The following CACNA1B variants were observed in gnomAD, a reference collection of about 807,000 sequenced individuals.
CACNA1B encodes the protein voltage-dependent N-type calcium channel subunit alpha-1B.
In CACNA1B, 70 loss-of-function variants were observed where a neutral mutation model predicts 247.2. The ratio of observed to expected loss-of-function variants is 0.28; its 90% confidence interval spans 0.23 to 0.35. The LOEUF (loss-of-function observed/expected upper bound fraction) is 0.35. CACNA1B is among the 10% of genes least tolerant of loss of function. The pLI, the probability that CACNA1B is intolerant of heterozygous loss-of-function variation, is 1.00. For missense variants in CACNA1B, 2,367 were observed against 3,197.4 expected (o/e 0.74, Z 6.26); for synonymous variants, 1,231 against 1,294.4 (o/e 0.95, Z 1.05).
chr9:137,921,432 C>A (rs1408763069), intron 6 of CACNA1B, among the ~76,000 whole-genome samples: 4 of 151,630 alleles, frequency 2.6e-5, no homozygotes, highest in Admixed American at 6.6e-5. Context: ...CACGACCGCA[C>A]AGCATCCTGG....
rs1294154773 is a variant in CACNA1B at position 137,986,446 on chromosome 9, C to T, written c.1803C>T (p.Ser601=). ...YWSSLRNLVV[S]LLNSMKSIIS... ...GCTCCCTGCGGAACCTGGTGGTGTC[C>T]CTGCTGAACTCCATGAAGTCCATCA... The change falls in exon 14 of 47, where the codon TCC becomes TCT. Residue 601 remains serine, a synonymous_variant. Coordinates refer to ENST00000371372, the MANE Select transcript of CACNA1B (RefSeq NM_000718.4). This position sits in a 1 kb window ranked among gnomAD's most constrained non-coding sequence, Gnocchi z 6.0. The T allele has an allele frequency of 1.2e-6, 2 of 1,613,886 alleles. No homozygotes were observed. Among genetic ancestry groups the T allele is most frequent in the Non-Finnish European group, 1.7e-6 (2 of 1,179,822 alleles).
chr9:137,976,189 C>G (rs1397515992), intron 12 of CACNA1B, among the ~76,000 whole-genome samples, 170 bp downstream of exon 12: 1 of 152,248 alleles, frequency 6.6e-6, no homozygotes, highest in Non-Finnish European at 1.5e-5. Context: ...GAGGCCTGTC[C>G]TGGCGGGGCC....
chr9:138,060,239 A>C (rs757640154), intron 31 of CACNA1B, among the ~76,000 whole-genome samples: 202 of 152,250 alleles, frequency 1.3e-3, no homozygotes, highest in Non-Finnish European at 2.0e-3. Context: ...ATTTCAAAGC[A>C]TCTGAATCAT....
intron 38 of CACNA1B, among the ~76,000 whole-genome samples, chr9:138,103,922 C>CCCCTG (rs1961338338): frequency 6.6e-6 from 1 of 152,234 alleles, no homozygotes; most frequent in South Asian, 2.1e-4. Context: ...CCATCCTCAG[C>CCCCTG]CCCTGCCCTG....
At chr9:138,042,702 G>C (rs1189754476) in intron 20 of CACNA1B, among the ~76,000 whole-genome samples, 1 of 152,124 alleles carries the variant, frequency 6.6e-6, no homozygotes, top group Non-Finnish European at 1.5e-5. Context: ...GGTTATCTTG[G>C]CTCTGGAGCC....
rs560979602 is a variant in CACNA1B at position 137,924,189 on chromosome 9, A to C, written c.966+6758A>C. The stretch of plus-strand genomic sequence containing the variant: ...ACTGTAAGAACTCTGCCTAGTCCTG[A>C]ATCCTGAAGATTTTCTTTTTTTTTT... On this transcript the variant is annotated intron_variant, in intron 6 of 46. Transcript: ENST00000371372. Among the ~76,000 whole-genome samples the C allele has an allele frequency of 2.7e-4, 41 of 151,800 alleles. No individual in the cohort carries two copies. In the South Asian group the frequency reaches 8.5e-3, roughly 32 times the overall value.
chr9:138,039,952 T>C (rs762333651), intron 20 of CACNA1B, among the ~76,000 whole-genome samples: 6 of 152,216 alleles, frequency 3.9e-5, no homozygotes, highest in Non-Finnish European at 8.8e-5. Context: ...TTTATAGAGT[T>C]AGTGGGGACA....
At chr9:138,068,296 C>T (rs1262250336) in intron 31 of CACNA1B, among the ~76,000 whole-genome samples, 6 of 152,060 alleles carry the variant, frequency 3.9e-5, no homozygotes, top group Non-Finnish European at 7.4e-5. Context: ...GGTGATGTGC[C>T]GTTCGTAAAG....
At position 138,023,180 on chromosome 9, in the gene CACNA1B, C is replaced by T. The variant is rs1368694083; in HGVS notation, c.2437C>T (p.Leu813=). The stretch of plus-strand genomic sequence containing the variant: ...CCTGCGGCCCGACATGAAGACGCAC[C>T]TGGACCGGCCGCTGGTGGTGGAGCT... The part of the protein sequence containing the change: ...RHLRPDMKTH[L]DRPLVVELGR... The change falls in exon 19 of 47, where the codon CTG becomes TTG. Residue 813 remains leucine, a synonymous_variant. Coordinates refer to ENST00000371372, the MANE Select transcript of CACNA1B (RefSeq NM_000718.4). 6.6e-7 allele frequency: 1 copy of T among 1,525,256 alleles called. No individual in the cohort carries two copies. Among genetic ancestry groups the T allele is most frequent in the Admixed American group, 2.0e-5 (1 of 50,154 alleles). The allele number at this position is 1,525,256 out of a possible 1,614,324, so 94.5% of individuals were successfully genotyped here.
At chr9:137,989,974 A>G (rs1589051903) in intron 15 of CACNA1B, among the ~76,000 whole-genome samples, 2 of 152,222 alleles carry the variant, frequency 1.3e-5, no homozygotes, top group East Asian at 3.9e-4. Context: ...TCCTGCTCGG[A>G]CAGACAGAAC....
At chr9:138,081,466 C>G (rs1295369270) in intron 36 of CACNA1B, among the ~76,000 whole-genome samples, 1 of 152,082 alleles carries the variant, frequency 6.6e-6, no homozygotes, top group Non-Finnish European at 1.5e-5. Flanking sequence ...GTGGTTTGGT[C>G]TGATAGAGAA....
At chr9:137,948,813 T>C (rs1036629199) in intron 6 of CACNA1B, among the ~76,000 whole-genome samples, 22 of 146,346 alleles carry the variant, frequency 1.5e-4, no homozygotes, top group African/African-American at 5.1e-4. Flanking sequence ...GGTGTGTGCA[T>C]GTGTGTGTGG....
At chr9:138,038,659 A>G (rs1481564891) in intron 20 of CACNA1B, among the ~76,000 whole-genome samples, 1 of 152,192 alleles carries the variant, frequency 6.6e-6, no homozygotes, top group Non-Finnish European at 1.5e-5. Flanking sequence ...GTGGGAGCCT[A>G]AGCCACCTTT....
intron 39 of CACNA1B, among the ~76,000 whole-genome samples, chr9:138,106,246 G>T (rs1961420619): frequency 6.6e-6 from 1 of 152,260 alleles, no homozygotes; most frequent in Non-Finnish European, 1.5e-5. Context: ...GAGAGAAGGA[G>T]CCTGTAGTGT....
intron 31 of CACNA1B, among the ~76,000 whole-genome samples, chr9:138,063,763 AT>A (rs1490584203): frequency 1.3e-5 from 2 of 152,156 alleles, no homozygotes; most frequent in African/African-American, 4.8e-5. Flanking sequence ...ATCCATTGTG[AT>A]CCAGTTTTCT....
At position 138,051,960 on chromosome 9, in the gene CACNA1B, C is replaced by A; in HGVS notation, c.3711-132C>A. The A allele has an allele frequency of 1.7e-6, 1 of 595,614 alleles. No homozygotes were observed. The highest frequency in any genetic ancestry group is 3.0e-6 in the Non-Finnish European group (1 of 328,156). The allele number at this position is 595,614 out of a possible 1,614,324, so 36.9% of individuals were successfully genotyped here. A position where few individuals can be genotyped will look rare whatever the true frequency, so the allele number is the denominator to read the frequency against. ...GCACCTGCAGGGCAAGGCCTCTCTG[C>A]TCCTGGGTCCTCCACCCTGGAGTCT... On this transcript the variant is annotated intron_variant, in intron 24 of 46. Coordinates refer to ENST00000371372, the MANE Select transcript of CACNA1B (RefSeq NM_000718.4). The surrounding 1 kb of genome is among the most constrained non-coding windows in gnomAD (Gnocchi z 4.3).
chr9:137,896,968 G>A lies in CACNA1B; in HGVS notation c.530+14085G>A, dbSNP rs75220638. On this transcript the variant is annotated intron_variant, in intron 3 of 46. Transcript: ENST00000371372. ...ATGTCTGTAGGGTTTGTAATAGCTC[G>A]TTTCATTTCTTATATTAGTAATTTT... Among the ~76,000 whole-genome samples, 922 of 152,168 alleles carry A rather than the reference G, an allele frequency of 6.1e-3. 6 individuals are homozygous for A. The highest frequency in any genetic ancestry group is 0.01 in the Non-Finnish European group (692 of 68,008).
chr9:137,914,670 C>T lies in CACNA1B; in HGVS notation c.639C>T (p.Leu213=). Residue 213 remains leucine, a synonymous_variant, in exon 5 of 47, where the codon CTC becomes CTT. Coordinates refer to ENST00000371372, the MANE Select transcript of CACNA1B (RefSeq NM_000718.4). This position sits in a 1 kb window ranked among gnomAD's most constrained non-coding sequence, Gnocchi z 4.3. ...VSGIPSLQVV[L]KSIMKAMVPL... ...TGGCCCCAGGTTTGCAGGTGGTGCT[C>T]AAGTCCATCATGAAGGCCATGGTTC... 1 of 1,613,900 alleles carries T rather than the reference C, an allele frequency of 6.2e-7. No individual in the cohort carries two copies. Among genetic ancestry groups the T allele is most frequent in the East Asian group, 2.2e-5 (1 of 44,882 alleles).
chr9:137,930,152 A>G (rs1289967608), intron 6 of CACNA1B, among the ~76,000 whole-genome samples: 1 of 152,180 alleles, frequency 6.6e-6, no homozygotes, highest in Non-Finnish European at 1.5e-5. Flanking sequence ...CTTTGAAGAA[A>G]TGTCAGCTGG....
Sources: allele counts gnomAD v4.1 joint callset (sites outside exome capture counted in the v4.1 genomes callset), GRCh38; gene constraint gnomAD v4.1.1; non-coding constraint Gnocchi (gnomAD v3.1); transcripts MANE v1.5; gene names NCBI Gene and HGNC (gene_info 2026-07-23, HGNC 2026-07-21).